Variants in FRMD3 observed in about 807,000 individuals in gnomAD.
FRMD3 encodes FERM domain-containing protein 3.
In FRMD3, 33 loss-of-function variants were observed where a neutral mutation model predicts 70.2. The observed-to-expected ratio is 0.47, with a 90% CI of 0.36 to 0.63. The LOEUF (loss-of-function observed/expected upper bound fraction) is 0.63, where lower values mean the gene tolerates loss of function less well. Ranked by LOEUF, FRMD3 falls within the 20% of genes least tolerant of loss-of-function variation. The probability of loss-of-function intolerance (pLI) is 0.00; values close to 1 mark genes in which losing one functional copy is unlikely to be tolerated. For synonymous variants in FRMD3, 279 were observed against 255.9 expected, an observed-to-expected ratio of 1.09 and a Z score of -0.86; for missense variants, 632 against 711.4, an observed-to-expected ratio of 0.89 and a Z score of 1.27.
intron 1 of FRMD3, among the ~76,000 whole-genome samples, chr9:83,391,441 T>C (rs1386402712): frequency 1.3e-5 from 2 of 152,168 alleles, no homozygotes; most frequent in African/African-American, 2.4e-5. Flanking sequence ...CATTTTATGA[T>C]TGAATGGCAA....
At chr9:83,294,161 T>A (rs1042834517) in intron 12 of FRMD3, among the ~76,000 whole-genome samples, 1 of 152,186 alleles carries the variant, frequency 6.6e-6, no homozygotes, top group Admixed American at 6.5e-5. Context: ...AGAATTAGTA[T>A]CCTTATAAAA....
intron 13 of FRMD3, among the ~76,000 whole-genome samples, chr9:83,272,505 T>C (rs1394037669): frequency 6.6e-6 from 1 of 152,176 alleles, no homozygotes; most frequent in Non-Finnish European, 1.5e-5. Flanking sequence ...GTGCCGAGAT[T>C]GCAGCTTCTG....
intron 13 of FRMD3, among the ~76,000 whole-genome samples, chr9:83,263,084 C>T (rs1459853997): frequency 6.6e-6 from 1 of 152,206 alleles, no homozygotes. Context: ...TATCTGTTGA[C>T]ATTGTTGTAA....
chr9:83,531,179 G>A (rs1829784734), intron 1 of FRMD3, among the ~76,000 whole-genome samples: 1 of 152,122 alleles, frequency 6.6e-6, no homozygotes, highest in African/African-American at 2.4e-5. Flanking sequence ...AAGAGGCAAA[G>A]GAACCCCAGA....
intron 1 of FRMD3, among the ~76,000 whole-genome samples, chr9:83,436,458 ATGTGTG>A (rs148417744): frequency 0.027 from 3,941 of 144,650 alleles, 72 homozygotes; most frequent in Non-Finnish European, 0.041. Flanking sequence ...AATTAATAAG[ATGTGTG>A]TGTGTGTGTG....
At chr9:83,439,101 AC>A (rs987696107) in intron 1 of FRMD3, among the ~76,000 whole-genome samples, 34 of 152,256 alleles carry the variant, frequency 2.2e-4, no homozygotes, top group African/African-American at 7.9e-4. Context: ...GACACTCATC[AC>A]CAAATGGGGG....
chr9:83,541,508 G>T (rs1344865630), upstream of FRMD3, among the ~76,000 whole-genome samples: 1 of 152,214 alleles, frequency 6.6e-6, no homozygotes, highest in African/African-American at 2.4e-5. Flanking sequence ...TGTCCCCTGA[G>T]GGGGCATCCA....
At chr9:83,512,284 G>A (rs1197533713) in intron 1 of FRMD3, among the ~76,000 whole-genome samples, 1 of 152,098 alleles carries the variant, frequency 6.6e-6, no homozygotes, top group African/African-American at 2.4e-5. Context: ...CAGGCACTGG[G>A]GATATTCTAG....
intron 6 of FRMD3, among the ~76,000 whole-genome samples, chr9:83,325,768 C>A (rs1835989426): frequency 6.6e-6 from 1 of 152,188 alleles, no homozygotes; most frequent in Non-Finnish European, 1.5e-5. Context: ...CTAAAACCTG[C>A]AGGCCAAATC....
chr9:83,532,336 G>A (rs1283742897), intron 1 of FRMD3, among the ~76,000 whole-genome samples: 1 of 152,104 alleles, frequency 6.6e-6, no homozygotes, highest in Admixed American at 6.5e-5. Context: ...CTGCTATAGA[G>A]AGCTGTGCCT....
At chr9:83,505,247 T>C (rs1399943173) in intron 1 of FRMD3, among the ~76,000 whole-genome samples, 1 of 152,216 alleles carries the variant, frequency 6.6e-6, no homozygotes, top group East Asian at 1.9e-4. Flanking sequence ...TATAAATCTG[T>C]AAACAGGTGA....
chr9:83,281,018 T>C (rs1416567314), intron 13 of FRMD3, among the ~76,000 whole-genome samples: 1 of 152,134 alleles, frequency 6.6e-6, no homozygotes, highest in Non-Finnish European at 1.5e-5. Context: ...CTCAGATCTA[T>C]TATAAAGAGC....
rs902318175 is a variant in FRMD3, at chr9:83,331,820, G to T, written c.596+3696C>A. ...CAATGAGTTGTGAGGGCCATTAAGG[G>T]CTGGGTGCCCACTGTTTCCAGCTCC... On this transcript the variant is annotated intron_variant, in intron 6 of 13. Transcript: ENST00000304195. 1.3e-5 allele frequency: 9 copies of T among 717,232 alleles called. No homozygotes were observed. In the Admixed American group the frequency reaches 1.4e-4, roughly 11 times the overall value. The allele number at this position is 717,232 out of a possible 1,614,324, so 44.4% of individuals were successfully genotyped here. A position where few individuals can be genotyped will look rare whatever the true frequency, so the allele number is the denominator to read the frequency against.
At chr9:83,555,381 A>G in the FRMD3 span, among the ~76,000 whole-genome samples, 1 of 148,702 alleles carries the variant, frequency 6.7e-6, no homozygotes, top group African/African-American at 2.5e-5. Flanking sequence ...TCAGGCACCC[A>G]CTTAAAGCAG....
intron 3 of FRMD3, among the ~76,000 whole-genome samples, chr9:83,355,465 G>A (rs1824305454): frequency 6.6e-6 from 1 of 152,174 alleles, no homozygotes; most frequent in Admixed American, 6.5e-5. Flanking sequence ...GGGGTACACA[G>A]GGTGGTGAAA....
At chr9:83,530,179 T>C (rs1056603298) in intron 1 of FRMD3, among the ~76,000 whole-genome samples, 7 of 152,204 alleles carry the variant, frequency 4.6e-5, no homozygotes, top group Non-Finnish European at 8.8e-5. Context: ...GAGCAACTTT[T>C]TCAGGAATGT....
chr9:83,464,846 C>A (rs773720682), intron 1 of FRMD3, among the ~76,000 whole-genome samples: 1 of 151,914 alleles, frequency 6.6e-6, no homozygotes, highest in African/African-American at 2.4e-5. Context: ...TAGCGAAACC[C>A]GATCTCTACT....
At chr9:83,585,530 A>AGCAG in the FRMD3 span, among the ~76,000 whole-genome samples, 1 of 152,152 alleles carries the variant, frequency 6.6e-6, no homozygotes, top group Non-Finnish European at 1.5e-5. Flanking sequence ...ATGGAGTGTA[A>AGCAG]GCAGCATTGA....
chr9:83,315,506 C>G (rs1489978271), intron 6 of FRMD3, among the ~76,000 whole-genome samples: 1 of 152,062 alleles, frequency 6.6e-6, no homozygotes, highest in Non-Finnish European at 1.5e-5. Flanking sequence ...TTGCTGTTCT[C>G]GGGATAGTGA....
Sources: allele counts gnomAD v4.1 joint callset (sites outside exome capture counted in the v4.1 genomes callset), GRCh38; gene constraint gnomAD v4.1.1; transcripts MANE v1.5; gene names NCBI Gene and HGNC (gene_info 2026-07-23, HGNC 2026-07-21).